The following NAB1 variants were observed in gnomAD, a reference collection of about 807,000 sequenced individuals.
NAB1 encodes NGFI-A-binding protein 1.
NAB1 carries 25 observed loss-of-function variants against 49.9 expected under a neutral mutation model. The observed-to-expected ratio is 0.50, with a 90% CI of 0.37 to 0.70. The LOEUF (loss-of-function observed/expected upper bound fraction) is 0.70. Among genes scored for constraint, NAB1 ranks in the 30% least tolerant of loss-of-function variants. NAB1 has a pLI of 0.00. For synonymous variants in NAB1, 198 were observed against 215.6 expected, an observed-to-expected ratio of 0.92 and a Z score of 0.71; for missense variants, 489 against 575.9, an observed-to-expected ratio of 0.85 and a Z score of 1.54.
chr2:190,688,724 G>A (rs1695748034), intron 9 of NAB1, among the ~76,000 whole-genome samples: 1 of 152,100 alleles, frequency 6.6e-6, no homozygotes, highest in South Asian at 2.1e-4. Flanking sequence ...AGGTAGAACC[G>A]AATGAAGAAA....
At position 190,677,918 on chromosome 2, in the gene NAB1, C is replaced by T. The variant is rs1695152626; in HGVS notation, c.1005+4766C>T. Among the ~76,000 whole-genome samples the T allele has an allele frequency of 6.6e-6, 1 of 152,070 alleles. No homozygotes were observed. Among genetic ancestry groups the T allele is most frequent in the Admixed American group, 6.6e-5 (1 of 15,260 alleles). On this transcript the variant is annotated intron_variant, in intron 6 of 9. Coordinates refer to ENST00000337386, the MANE Select transcript of NAB1 (RefSeq NM_005966.4). The surrounding 1 kb of genome is among the most constrained non-coding windows in gnomAD (Gnocchi z 5.6). ...GGGGTTATACCTTTCCTCCTAGTACCGTGTGAAGGGCGAAATGTGTGCAGG... is the reference window on the plus strand; with the variant it reads ...GGGGTTATACCTTTCCTCCTAGTACTGTGTGAAGGGCGAAATGTGTGCAGG...
At chr2:190,683,228 A>C (rs955762615) in intron 6 of NAB1, among the ~76,000 whole-genome samples, 29 of 149,648 alleles carry the variant, frequency 1.9e-4, no homozygotes, top group Non-Finnish European at 3.8e-4. Flanking sequence ...CTCATGCTTC[A>C]GCCTCCCAAG....
Position 190,677,157 on chromosome 2 carries a change from T to G in NAB1, c.1005+4005T>G, listed in dbSNP as rs2125790023. The stretch of plus-strand genomic sequence containing the variant: ...TTTCTACCTGGAAAGCTCTTATTTA[T>G]GTAGTAGGTTGTTCCCCCTTAAAGG... On this transcript the variant is annotated intron_variant, in intron 6 of 9. Coordinates refer to ENST00000337386, the MANE Select transcript of NAB1 (RefSeq NM_005966.4). The surrounding 1 kb of genome is among the most constrained non-coding windows in gnomAD (Gnocchi z 5.6). The G allele has an allele frequency of 6.6e-6, 1 of 152,296 alleles. No individual in the cohort carries two copies. The highest frequency in any genetic ancestry group is 1.5e-5 in the Non-Finnish European group (1 of 68,028). The allele number at this position is 152,296 out of a possible 1,614,324, so 9.4% of individuals were successfully genotyped here.
rs760255708 is a variant in NAB1 at position 190,670,277 on chromosome 2, G to A, written c.820-49G>A. 11 of 1,530,832 alleles carry A rather than the reference G, an allele frequency of 7.2e-6. No individual in the cohort carries two copies. Among genetic ancestry groups the A allele is most frequent in the Non-Finnish European group, 9.7e-6 (11 of 1,129,846 alleles). The allele number at this position is 1,530,832 out of a possible 1,614,324, so 94.8% of individuals were successfully genotyped here. A position where few individuals can be genotyped will look rare whatever the true frequency, so the allele number is the denominator to read the frequency against. On this transcript the variant is annotated intron_variant, in intron 4 of 9. Transcript: ENST00000337386. This position sits in a 1 kb window ranked among gnomAD's most constrained non-coding sequence, Gnocchi z 5.3. ...TTTTAAGTGAAACCTTTTGCATTTT[G>A]ATGAAATTAAAATGTTCTTAATTTT...
chr2:190,660,641 A>G (rs1055123993), intron 4 of NAB1, among the ~76,000 whole-genome samples: 28 of 152,150 alleles, frequency 1.8e-4, no homozygotes, highest in African/African-American at 6.3e-4. Flanking sequence ...TTTCTTGTCT[A>G]TCTGGTCAAC....
At position 190,651,943 on chromosome 2, in the gene NAB1, C is replaced by T. The variant is rs553860448; in HGVS notation, c.-197+1961C>T. Among the ~76,000 whole-genome samples, 15 of 152,136 alleles carry T rather than the reference C, an allele frequency of 9.9e-5. No homozygotes were observed. In the East Asian group the frequency reaches 2.9e-3, roughly 29 times the overall value. Reference sequence around the variant, plus strand: ...TGAGCATAATAGAAGATTGCTAGACCCTTTGCTTTGGATTTATTTTTATCT... The same window carrying T: ...TGAGCATAATAGAAGATTGCTAGACTCTTTGCTTTGGATTTATTTTTATCT... On this transcript the variant is annotated intron_variant, in intron 2 of 9. Transcript: ENST00000337386. The surrounding 1 kb of genome is among the most constrained non-coding windows in gnomAD (Gnocchi z 4.3).
chr2:190,690,972 C>T lies in NAB1; in HGVS notation c.*639C>T, dbSNP rs906235549. 1.4e-4 allele frequency: 21 copies of T among 152,460 alleles called. No homozygotes were observed. The highest frequency in any genetic ancestry group is 4.3e-4 in the African/African-American group (18 of 41,418). The allele number at this position is 152,460 out of a possible 1,614,324, so 9.4% of individuals were successfully genotyped here. A position where few individuals can be genotyped will look rare whatever the true frequency, so the allele number is the denominator to read the frequency against. ...CATATAACATCTGGTTATCAATGCACGTTTACACAATAAATACTTGAGTGG... is the reference window on the plus strand; with the variant it reads ...CATATAACATCTGGTTATCAATGCATGTTTACACAATAAATACTTGAGTGG... On this transcript the variant is annotated 3_prime_UTR_variant, in exon 10 of 10. Coordinates refer to ENST00000337386, the MANE Select transcript of NAB1 (RefSeq NM_005966.4).
rs1695955102 is a variant in NAB1 at position 190,691,995 on chromosome 2, A to G, written c.*1662A>G. 1 of 152,580 alleles carries G rather than the reference A, an allele frequency of 6.6e-6. No homozygotes were observed. The highest frequency in any genetic ancestry group is 2.4e-5 in the African/African-American group (1 of 41,454). 9.5% of individuals were successfully genotyped at this position (152,580 alleles called of 1,614,324 possible). A position where few individuals can be genotyped will look rare whatever the true frequency, so the allele number is the denominator to read the frequency against. ...GTTAAAAGGCTTTTTTCCCCTTCCT[A>G]AATGTTTTAATTGTACCATAGTGTT... is the stretch of plus-strand genomic sequence containing the variant. On this transcript the variant is annotated 3_prime_UTR_variant, in exon 10 of 10. Coordinates refer to ENST00000337386, the MANE Select transcript of NAB1 (RefSeq NM_005966.4). This position sits in a 1 kb window ranked among gnomAD's most constrained non-coding sequence, Gnocchi z 4.1.
Position 190,650,129 on chromosome 2 carries a change from T to C in NAB1, c.-197+147T>C, listed in dbSNP as rs867806680. The C allele has an allele frequency of 1.8e-4, 28 of 152,344 alleles. 2 individuals are homozygous for C. Among genetic ancestry groups the C allele is most frequent in the Middle Eastern group, 3.4e-3 (1 of 296 alleles). The allele number at this position is 152,344 out of a possible 1,614,324, so 9.4% of individuals were successfully genotyped here. A position where few individuals can be genotyped will look rare whatever the true frequency, so the allele number is the denominator to read the frequency against. On this transcript the variant is annotated intron_variant, in intron 2 of 9. Coordinates refer to ENST00000337386, the MANE Select transcript of NAB1 (RefSeq NM_005966.4). Reference sequence around the variant, plus strand: ...TGCAGGATCTCGGGGAAAGGGATAGTTGAGATGGAATATACATTTGTCGAT... The same window carrying C: ...TGCAGGATCTCGGGGAAAGGGATAGCTGAGATGGAATATACATTTGTCGAT...
rs1294098812 is a variant in NAB1 at position 190,690,248 on chromosome 2, G to C, written c.1379G>C (p.Ser460Thr). ...PSEAKSHSSE[S>T]LGILKDYPHS... ...CTTTGTTTCCATTTTTATGTAGAGA[G>C]CCTTGGGATTTTAAAAGACTACCCT... The change falls in exon 10 of 10, where the codon AGC (serine) becomes ACC (threonine). Residue 460 changes from serine to threonine, a missense_variant. Coordinates refer to ENST00000337386, the MANE Select transcript of NAB1 (RefSeq NM_005966.4). The C allele has an allele frequency of 6.2e-7, 1 of 1,606,830 alleles. No homozygotes were observed. Among genetic ancestry groups the C allele is most frequent in the Admixed American group, 1.7e-5 (1 of 59,952 alleles).
chr2:190,652,841 C>A lies in NAB1; in HGVS notation c.-197+2859C>A, dbSNP rs1302290280. ...AAAGTGTAGCTGAACTATATTTAAT[C>A]ATTTTAGCTTGAGTTCTGGGTCTAG... On this transcript the variant is annotated intron_variant, in intron 2 of 9. Transcript: ENST00000337386. The surrounding 1 kb of genome is among the most constrained non-coding windows in gnomAD (Gnocchi z 4.2). 2.0e-5 allele frequency among the ~76,000 whole-genome samples: 3 copies of A among 152,158 alleles called. No homozygotes were observed. The highest frequency in any genetic ancestry group is 2.0e-4 in the Admixed American group (3 of 15,278).
chr2:190,653,148 G>T (rs1693750943), intron 2 of NAB1, among the ~76,000 whole-genome samples: 1 of 152,132 alleles, frequency 6.6e-6, no homozygotes, highest in South Asian at 2.1e-4. Context: ...AGCCTCTCGT[G>T]TACCCATTTC....
intron 6 of NAB1, among the ~76,000 whole-genome samples, chr2:190,673,937 C>T (rs1366434173): frequency 6.6e-6 from 1 of 152,106 alleles, no homozygotes; most frequent in Non-Finnish European, 1.5e-5. Flanking sequence ...TCCTTCCTTT[C>T]TTTTTGTTTT....
rs890262927 is a variant in NAB1, at chr2:190,657,626, G to A, written c.-20+1473G>A. On this transcript the variant is annotated intron_variant, in intron 3 of 9. Transcript: ENST00000337386. The surrounding 1 kb of genome is among the most constrained non-coding windows in gnomAD (Gnocchi z 4.4). ...CCATACTAGCCCTTGCAAAGAAAGA[G>A]ACATAAAATTTGCGGAAGTCAAAAC... Among the ~76,000 whole-genome samples, 2 of 152,206 alleles carry A rather than the reference G, an allele frequency of 1.3e-5. No individual in the cohort carries two copies. The highest frequency in any genetic ancestry group is 2.9e-5 in the Non-Finnish European group (2 of 68,038).
intron 4 of NAB1, among the ~76,000 whole-genome samples, chr2:190,668,128 A>T (rs1442784899): frequency 2.0e-5 from 3 of 152,184 alleles, no homozygotes; most frequent in Admixed American, 1.3e-4. Flanking sequence ...TAGGAAATGG[A>T]CTCATCATGT....
At chr2:190,661,474 A>C (rs1694222644) in intron 4 of NAB1, among the ~76,000 whole-genome samples, 1 of 152,268 alleles carries the variant, frequency 6.6e-6, no homozygotes, top group Non-Finnish European at 1.5e-5. Flanking sequence ...TTTTTAAAAC[A>C]TAGCAGATGA....
rs1488979477 is a variant in NAB1 at position 190,689,633 on chromosome 2, A to G, written c.1376-612A>G. On this transcript the variant is annotated intron_variant, in intron 9 of 9. Transcript: ENST00000337386. This position sits in a 1 kb window ranked among gnomAD's most constrained non-coding sequence, Gnocchi z 4.3. ...TTGTGTATGGTTGAAATAACTGTAC[A>G]CATAGAACTCCATGGAATGATTTCT... Among the ~76,000 whole-genome samples, 2 of 152,158 alleles carry G rather than the reference A, an allele frequency of 1.3e-5. No individual in the cohort carries two copies. The highest frequency in any genetic ancestry group is 2.9e-5 in the Non-Finnish European group (2 of 68,014).
At position 190,657,262 on chromosome 2, in the gene NAB1, G is replaced by A. The variant is rs1693971986; in HGVS notation, c.-20+1109G>A. Among the ~76,000 whole-genome samples the A allele has an allele frequency of 6.6e-6, 1 of 152,102 alleles. No individual in the cohort carries two copies. On this transcript the variant is annotated intron_variant, in intron 3 of 9. Coordinates refer to ENST00000337386, the MANE Select transcript of NAB1 (RefSeq NM_005966.4). The surrounding 1 kb of genome is among the most constrained non-coding windows in gnomAD (Gnocchi z 4.4). ...ATGATAGATTCTCCCTGGAGTGGGA[G>A]GACAGGCAGAGCCTCCTTTAGGTGA...
intron 4 of NAB1, among the ~76,000 whole-genome samples, chr2:190,668,463 G>A (rs545363267): frequency 5.0e-4 from 76 of 152,204 alleles, no homozygotes; most frequent in African/African-American, 1.3e-3. Context: ...CAATTCATTC[G>A]TCAGTCAACA....
Sources: gnomAD v4.1 joint callset for allele counts (sites outside exome capture counted in the v4.1 genomes callset) on GRCh38, gnomAD v4.1.1 for gene constraint, Gnocchi (gnomAD v3.1) non-coding constraint, MANE v1.5 for transcripts, NCBI Gene and HGNC (gene_info 2026-07-23, HGNC 2026-07-21) for gene names.